Variants in DLG2 observed in about 807,000 individuals in gnomAD.
DLG2 encodes discs large MAGUK scaffold protein 2.
A neutral mutation model predicts 132.5 loss-of-function variants in DLG2; 45 were observed. The observed-to-expected ratio is 0.34, with a 90% CI of 0.27 to 0.44. The LOEUF is 0.44. Among genes scored for constraint, DLG2 ranks in the 20% least tolerant of loss-of-function variants. DLG2 has a pLI of 1.00. For synonymous variants in DLG2, 424 were observed against 419.6 expected (o/e 1.01, Z -0.13); for missense variants, 1,045 against 1,196.9 (o/e 0.87, Z 1.87).
At chr11:83,786,832 G>A in intron 17 of DLG2, 40 bp from the exon 18 acceptor site, 2 of 1,582,380 alleles carry the variant, frequency 1.3e-6, no homozygotes, top group African/African-American at 2.7e-5. Context: ...TATTTCATAA[G>A]GCATATTATC....
rs531696181 is a variant in DLG2 at position 84,592,054 on chromosome 11, A to G, written c.358-57323T>C. On this transcript the variant is annotated intron_variant, in intron 6 of 27. Coordinates refer to ENST00000376104, the MANE Select transcript of DLG2 (RefSeq NM_001142699.3). Reference sequence around the variant, plus strand: ...TTTTTTGTAGAGATGGGTTCTTGCCATGTTGCCCAGGCTGGTCTTGAACTC... The same window carrying G: ...TTTTTTGTAGAGATGGGTTCTTGCCGTGTTGCCCAGGCTGGTCTTGAACTC... 5.3e-5 allele frequency among the ~76,000 whole-genome samples: 8 copies of G among 152,148 alleles called. No homozygotes were observed. In the East Asian group the frequency reaches 1.4e-3, roughly 26 times the overall value.
At chr11:84,760,424 A>C (rs954316605) in intron 6 of DLG2, among the ~76,000 whole-genome samples, 3 of 152,204 alleles carry the variant, frequency 2.0e-5, no homozygotes, top group African/African-American at 4.8e-5. Context: ...ACCAAATGTT[A>C]CAGGTTTACC....
At chr11:85,359,821 A>G (rs2084006934) in intron 3 of DLG2, among the ~76,000 whole-genome samples, 1 of 152,190 alleles carries the variant, frequency 6.6e-6, no homozygotes, top group Non-Finnish European at 1.5e-5. Flanking sequence ...AATACATTAT[A>G]GCACAAAAAA....
intron 3 of DLG2, chr11:85,453,825 T>C (rs1394996455): frequency 6.6e-6 from 1 of 152,132 alleles, no homozygotes; most frequent in East Asian, 1.9e-4. Flanking sequence ...ATGCACAGAA[T>C]TGTTGTATAG....
At chr11:85,121,998 A>T (rs542012537) in intron 5 of DLG2, among the ~76,000 whole-genome samples, 1 of 152,184 alleles carries the variant, frequency 6.6e-6, no homozygotes, top group South Asian at 2.1e-4. Flanking sequence ...AAATTAGAGG[A>T]AGGAAGAATT....
intron 11 of DLG2, among the ~76,000 whole-genome samples, chr11:84,011,157 G>A (rs2094868118): frequency 6.6e-6 from 1 of 151,980 alleles, no homozygotes; most frequent in South Asian, 2.1e-4. Context: ...GTATTTAAAG[G>A]ATACAATAAG....
At chr11:84,393,075 C>T (rs991254412) in intron 7 of DLG2, among the ~76,000 whole-genome samples, 1 of 152,108 alleles carries the variant, frequency 6.6e-6, no homozygotes, top group Non-Finnish European at 1.5e-5. Context: ...AACGTGTGAG[C>T]TATAATGTGT....
At chr11:84,110,769 T>G (rs2093302722) in intron 9 of DLG2, among the ~76,000 whole-genome samples, 1 of 152,172 alleles carries the variant, frequency 6.6e-6, no homozygotes, top group Non-Finnish European at 1.5e-5. Flanking sequence ...AGCAGCTGGG[T>G]TCCAGGTGAA....
chr11:84,355,562 T>C (rs1398771527), intron 7 of DLG2, among the ~76,000 whole-genome samples: 2 of 152,054 alleles, frequency 1.3e-5, no homozygotes, highest in Non-Finnish European at 2.9e-5. Context: ...CCTCCAGAAC[T>C]GTGAGAGATA....
chr11:84,202,855 G>A (rs185642718), intron 8 of DLG2, among the ~76,000 whole-genome samples: 218 of 152,216 alleles, frequency 1.4e-3, no homozygotes, highest in African/African-American at 4.7e-3. Flanking sequence ...ACAAACATAT[G>A]AAAAGAAAGC....
At chr11:84,107,016 G>GAGAGAGAGAA (rs1265803025) in intron 9 of DLG2, among the ~76,000 whole-genome samples, 1 of 149,322 alleles carries the variant, frequency 6.7e-6, no homozygotes, top group Non-Finnish European at 1.5e-5. Flanking sequence ...GTGTGTGTGA[G>GAGAGAGAGAA]AGAGTTTTAG....
At chr11:85,531,057 A>G (rs1017178393) in intron 3 of DLG2, among the ~76,000 whole-genome samples, 4 of 152,240 alleles carry the variant, frequency 2.6e-5, no homozygotes, top group African/African-American at 9.6e-5. Flanking sequence ...TAAGTAAATG[A>G]AAATAGAAGA....
intron 6 of DLG2, among the ~76,000 whole-genome samples, chr11:85,019,138 T>G (rs1359260286): frequency 1.3e-5 from 2 of 152,212 alleles, no homozygotes; most frequent in African/African-American, 4.8e-5. Flanking sequence ...TGAAAAGAAA[T>G]GTACTCCCTG....
At chr11:84,381,211 T>C in intron 7 of DLG2, among the ~76,000 whole-genome samples, 1 of 152,014 alleles carries the variant, frequency 6.6e-6, no homozygotes, top group East Asian at 1.9e-4. Flanking sequence ...ATCATATAAA[T>C]ATTAAAACAG....
At chr11:84,683,883 C>T (rs776439590) in intron 6 of DLG2, among the ~76,000 whole-genome samples, 3 of 152,088 alleles carry the variant, frequency 2.0e-5, no homozygotes, top group African/African-American at 7.2e-5. Context: ...TGCAAAACAT[C>T]CCAGTTATAA....
intron 6 of DLG2, among the ~76,000 whole-genome samples, chr11:85,107,343 T>C (rs2071932886): frequency 1.3e-5 from 2 of 152,058 alleles, no homozygotes; most frequent in South Asian, 4.1e-4. Flanking sequence ...CCACACATTA[T>C]AGCCATTTCT....
intron 3 of DLG2, among the ~76,000 whole-genome samples, chr11:85,457,158 T>C (rs2092448904): frequency 6.6e-6 from 1 of 150,910 alleles, no homozygotes; most frequent in South Asian, 2.1e-4. Flanking sequence ...ATTAAAACTT[T>C]TGCATTATGT....
intron 6 of DLG2, among the ~76,000 whole-genome samples, chr11:84,818,971 G>C (rs1400368901): frequency 6.6e-6 from 1 of 151,404 alleles, no homozygotes; most frequent in Non-Finnish European, 1.5e-5. Context: ...TGTTTCACAG[G>C]TGGGCAGAAG....
chr11:85,054,062 C>T (rs1382337338), intron 6 of DLG2, among the ~76,000 whole-genome samples: 2 of 151,630 alleles, frequency 1.3e-5, no homozygotes, highest in African/African-American at 4.8e-5. Flanking sequence ...GTCAGGAGAT[C>T]GAGACCAGCC....
Sources: gnomAD v4.1 joint callset for allele counts (sites outside exome capture counted in the v4.1 genomes callset) on GRCh38, gnomAD v4.1.1 for gene constraint, MANE v1.5 for transcripts, NCBI Gene and HGNC (gene_info 2026-07-23, HGNC 2026-07-21) for gene names.